NUP214: variants seen among roughly 807,000 people sequenced by gnomAD.
The protein encoded by NUP214 is nuclear pore complex protein Nup214.
NUP214 carries 79 observed loss-of-function variants against 196.2 expected under a neutral mutation model. That is an observed-to-expected ratio of 0.40 (90% CI 0.34 to 0.49). The LOEUF is 0.49. Ranked by LOEUF, NUP214 falls within the 20% of genes least tolerant of loss-of-function variation. The pLI, the probability that NUP214 is intolerant of heterozygous loss-of-function variation, is 0.58. For missense variants in NUP214, 2,468 were observed against 2,539.0 expected (o/e 0.97, Z 0.60); for synonymous variants, 1,020 against 990.5 (o/e 1.03, Z -0.56).
rs768516141 is a variant in NUP214 at position 131,197,639 on chromosome 9, A to C, written c.4145A>C (p.Lys1382Thr). The C allele has an allele frequency of 5.0e-5, 81 of 1,613,994 alleles. 1 individual carries two copies. In the Middle Eastern group the frequency reaches 9.9e-4, roughly 20 times the overall value. Residue 1382 changes from lysine (K) to threonine (T), a missense_variant, in exon 29 of 36, where the codon AAG becomes ACG. This residue lies in a region of NUP214 where 1,801 missense variants were observed against 1,779.4 expected (regional missense o/e 1.01). Coordinates refer to ENST00000359428, the MANE Select transcript of NUP214 (RefSeq NM_005085.4). ...TTTACTGCCCCCCCGGTGTTAGGGAAGCACACGGAGCCCCCTGTGACATCC... is the reference window on the plus strand; with the variant it reads ...TTTACTGCCCCCCCGGTGTTAGGGACGCACACGGAGCCCCCTGTGACATCC... ...FNFTAPPVLG[K>T]HTEPPVTSSA...
Position 131,163,973 on chromosome 9 carries a change from A to G in NUP214, c.2809+18A>G. On this transcript the variant is annotated intron_variant, in intron 20 of 35. Coordinates refer to ENST00000359428, the MANE Select transcript of NUP214 (RefSeq NM_005085.4). ...AGTACCAGGTAATTGCATCCTTCCCAGTCTTTTAACTCCCTTTATTCTCTT... is the reference window on the plus strand; with the variant it reads ...AGTACCAGGTAATTGCATCCTTCCCGGTCTTTTAACTCCCTTTATTCTCTT... 6.2e-7 allele frequency: 1 copy of G among 1,613,262 alleles called. No homozygotes were observed. Among genetic ancestry groups the G allele is most frequent in the East Asian group, 2.2e-5 (1 of 44,868 alleles).
chr9:131,202,589 A>G (rs919480756), intron 30 of NUP214, among the ~76,000 whole-genome samples: 4 of 142,396 alleles, frequency 2.8e-5, no homozygotes, highest in Non-Finnish European at 6.1e-5. Flanking sequence ...ACACCCAGCT[A>G]TTTTTTTTTT....
At chr9:131,193,188 C>T (rs1833661830) in intron 27 of NUP214, among the ~76,000 whole-genome samples, 1 of 151,982 alleles carries the variant, frequency 6.6e-6, no homozygotes, top group African/African-American at 2.4e-5. Flanking sequence ...GTTAAGGTGC[C>T]TGTTCTCTGT....
chr9:131,138,243 C>T (rs72768572), intron 9 of NUP214, among the ~76,000 whole-genome samples: 35,658 of 148,750 alleles, frequency 0.24, 4,439 homozygotes, highest in East Asian at 0.41. Context: ...CCTCCCCTCC[C>T]CTCCCCTCCC....
chr9:131,192,169 C>CTTT lies in NUP214; in HGVS notation c.3575-15_3575-13dup, dbSNP rs66652901. ...AGTGTTTCTGTCTTTTTGTAATATT[C>CTTT]TTTTTTTTTTTTTTTTTTTTTTTTT... On this transcript the variant is annotated intron_variant, in intron 26 of 35. Transcript: ENST00000359428. 3,969 of 447,322 alleles carry CTTT rather than the reference C, an allele frequency of 8.9e-3. 333 individuals carry two copies. Among genetic ancestry groups the CTTT allele is most frequent in the African/African-American group, 0.035 (922 of 26,052 alleles). 27.7% of individuals were successfully genotyped at this position (447,322 alleles called of 1,614,324 possible).
At position 131,232,439 on chromosome 9, in the gene NUP214, G is replaced by C. The variant is rs567175443; in HGVS notation, c.6239+131G>C. The C allele has an allele frequency of 2.0e-5, 19 of 943,778 alleles. No homozygotes were observed. In the Middle Eastern group the frequency reaches 2.5e-3, roughly 124 times the overall value. 58.5% of individuals were successfully genotyped at this position (943,778 alleles called of 1,614,324 possible). A position where few individuals can be genotyped will look rare whatever the true frequency, so the allele number is the denominator to read the frequency against. ...TTTTTAGAGTTTGTCCTGGAAGTGT[G>C]GGGGTTCAGCAGCAGGGTTTGGGTT... is the stretch of plus-strand genomic sequence containing the variant. On this transcript the variant is annotated intron_variant, in intron 35 of 35. Coordinates refer to ENST00000359428, the MANE Select transcript of NUP214 (RefSeq NM_005085.4). This position sits in a 1 kb window ranked among gnomAD's most constrained non-coding sequence, Gnocchi z 5.1.
At chr9:131,148,842 C>G (rs760074399) in intron 14 of NUP214, among the ~76,000 whole-genome samples, 2 of 152,028 alleles carry the variant, frequency 1.3e-5, no homozygotes, top group Non-Finnish European at 1.5e-5. Context: ...ATTGTCTATT[C>G]ATTGTCTTTT....
In NUP214 at chr9:131,140,501, G is replaced by T. The variant is rs970308165; in HGVS notation, c.1133-48G>T. On this transcript the variant is annotated intron_variant, in intron 10 of 35. Transcript: ENST00000359428. ...GGCAGTCTTTGCCTTCTGGGCTCAG[G>T]CCCTTAAATTCACTTGGTTTTTTTA... is the stretch of plus-strand genomic sequence containing the variant. 5.8e-6 allele frequency: 9 copies of T among 1,544,144 alleles called. No homozygotes were observed. The African/African-American group carries it at 8.3e-5, about 14-fold the overall frequency.
intron 27 of NUP214, among the ~76,000 whole-genome samples, chr9:131,194,545 A>G (rs1173500743): frequency 6.6e-6 from 1 of 152,108 alleles, no homozygotes; most frequent in Admixed American, 6.6e-5. Context: ...TTTTTATCAC[A>G]GTGAATAATC....
At chr9:131,214,052 G>A (rs1392450625) in intron 30 of NUP214, among the ~76,000 whole-genome samples, 1 of 152,128 alleles carries the variant, frequency 6.6e-6, no homozygotes, top group Non-Finnish European at 1.5e-5. Flanking sequence ...GACTGTAGTG[G>A]GAGCAAAAGA....
chr9:131,132,764 G>A, intron 6 of NUP214, 105 bp downstream of exon 6: 1 of 974,446 alleles, frequency 1.0e-6, no homozygotes, highest in Non-Finnish European at 1.6e-6. Context: ...ATTGGTGTTT[G>A]CTTTATGAAT....
intron 30 of NUP214, among the ~76,000 whole-genome samples, chr9:131,212,121 G>C (rs556757833): frequency 2.6e-5 from 4 of 152,284 alleles, no homozygotes; most frequent in African/African-American, 9.6e-5. Flanking sequence ...TTGTAGATGA[G>C]GGATGAAACA....
intron 11 of NUP214, among the ~76,000 whole-genome samples, chr9:131,142,896 C>G (rs1343963938): frequency 6.6e-6 from 1 of 152,038 alleles, no homozygotes; most frequent in Non-Finnish European, 1.5e-5. Flanking sequence ...CAACCAAGTC[C>G]TATTAATATA....
At chr9:131,132,314 A>G (rs1831581290) in intron 5 of NUP214, among the ~76,000 whole-genome samples, 1 of 151,908 alleles carries the variant, frequency 6.6e-6, no homozygotes, top group East Asian at 1.9e-4. Flanking sequence ...GGGTTTCGCC[A>G]TGTTGGCCAG....
intron 4 of NUP214, among the ~76,000 whole-genome samples, chr9:131,130,151 G>T (rs1191781): frequency 0.96 from 104,404 of 108,840 alleles, 50,219 homozygotes; most frequent in Middle Eastern, 0.99. Flanking sequence ...TTTTTTTTTT[G>T]TTTTTTTTTT....
intron 11 of NUP214, 97 bp from the exon 12 acceptor site, chr9:131,144,183 C>A: frequency 1.0e-6 from 1 of 988,722 alleles, no homozygotes; most frequent in Non-Finnish European, 1.5e-6. Context: ...ACATTTCTGG[C>A]TTTATTCTAC....
intron 30 of NUP214, among the ~76,000 whole-genome samples, chr9:131,202,379 A>G (rs1245324256): frequency 6.6e-6 from 1 of 152,054 alleles, no homozygotes; most frequent in Non-Finnish European, 1.5e-5. Flanking sequence ...GTATACATAT[A>G]TGTGTGTACA....
intron 4 of NUP214, among the ~76,000 whole-genome samples, 173 bp downstream of exon 4, chr9:131,129,650 G>T (rs746271042): frequency 6.6e-6 from 1 of 152,020 alleles, no homozygotes; most frequent in Non-Finnish European, 1.5e-5. Flanking sequence ...TGTCGCCCAG[G>T]CTGGAGTACA....
rs186826273 is a variant in NUP214 at position 131,160,344 on chromosome 9, C to T, written c.2540+858C>T. Among the ~76,000 whole-genome samples the T allele has an allele frequency of 4.6e-5, 7 of 152,242 alleles. No individual in the cohort carries two copies. The East Asian group carries it at 9.6e-4, about 21-fold the overall frequency. Reference sequence around the variant, plus strand: ...ATTAAGGAGAATTTTCCGTAATACTCTTCTGTATATTTCAAATTTTCTTTT... The same window carrying T: ...ATTAAGGAGAATTTTCCGTAATACTTTTCTGTATATTTCAAATTTTCTTTT... On this transcript the variant is annotated intron_variant, in intron 18 of 35. Transcript: ENST00000359428.
Sources: gnomAD v4.1 joint callset for allele counts (sites outside exome capture counted in the v4.1 genomes callset) on GRCh38, gnomAD v4.1.1 for gene constraint, gnomAD v4.1.1 regional missense constraint, Gnocchi (gnomAD v3.1) non-coding constraint, MANE v1.5 for transcripts, NCBI Gene and HGNC (gene_info 2026-07-23, HGNC 2026-07-21) for gene names.